EXOC4: variants seen among roughly 807,000 people sequenced by gnomAD.
EXOC4 encodes the protein exocyst complex component 4, also known as SEC8-like 1.
A neutral mutation model predicts 107.2 loss-of-function variants in EXOC4; 71 were observed. The ratio of observed to expected loss-of-function variants is 0.66; its 90% confidence interval spans 0.55 to 0.81. The LOEUF is 0.81. Among genes scored for constraint, EXOC4 ranks in the 30% least tolerant of loss-of-function variants. The probability of loss-of-function intolerance (pLI) is 0.00; values close to 1 mark genes in which losing one functional copy is unlikely to be tolerated. For synonymous variants in EXOC4, 456 were observed against 441.2 expected (o/e 1.03, Z -0.42); for missense variants, 1,108 against 1,189.6 (o/e 0.93, Z 1.01).
rs1334795297 is a variant in EXOC4 at position 133,885,238 on chromosome 7, C to T, written c.1735-10361C>T. Among the ~76,000 whole-genome samples, 7 of 151,148 alleles carry T rather than the reference C, an allele frequency of 4.6e-5. No homozygotes were observed. In the East Asian group the frequency reaches 5.8e-4, roughly 13 times the overall value. On this transcript the variant is annotated intron_variant, in intron 11 of 17. Transcript: ENST00000253861. The stretch of plus-strand genomic sequence containing the variant: ...CTGAGGCAGGAGAATCACTTGAACC[C>T]GGGAGACGGAGGTTGCAGTGAGCCA...
the EXOC4 span, among the ~76,000 whole-genome samples, chr7:134,089,622 T>A: frequency 2.1e-3 from 314 of 152,308 alleles, no homozygotes; most frequent in Middle Eastern, 0.01. Context: ...CCTAATCACC[T>A]TTAAATTATA....
At chr7:134,098,068 T>C in the EXOC4 span, among the ~76,000 whole-genome samples, 2 of 152,158 alleles carry the variant, frequency 1.3e-5, no homozygotes, top group Non-Finnish European at 2.9e-5. Context: ...CATATCAACA[T>C]AAAGTCTGAG....
intron 10 of EXOC4, among the ~76,000 whole-genome samples, chr7:133,796,029 T>C (rs1321462615): frequency 1.3e-5 from 2 of 152,184 alleles, no homozygotes; most frequent in Admixed American, 6.5e-5. Context: ...TCCTTTTATT[T>C]CTTTTTTCCT....
intron 4 of EXOC4, among the ~76,000 whole-genome samples, chr7:133,316,503 G>A (rs1393976406): frequency 6.6e-6 from 1 of 152,162 alleles, no homozygotes; most frequent in Non-Finnish European, 1.5e-5. Flanking sequence ...AGTTGGCTTG[G>A]CATAGCCTGC....
chr7:133,642,610 T>A (rs1802885782), intron 10 of EXOC4, among the ~76,000 whole-genome samples: 1 of 152,162 alleles, frequency 6.6e-6, no homozygotes. Context: ...GTCGCTCAGT[T>A]TCCTAACTGG....
intron 11 of EXOC4, among the ~76,000 whole-genome samples, chr7:133,872,440 C>T (rs1215831394): frequency 1.3e-5 from 2 of 152,056 alleles, no homozygotes; most frequent in Non-Finnish European, 2.9e-5. Flanking sequence ...AAAACGCAAG[C>T]CGGGAGCTGA....
At chr7:133,305,208 GA>G (rs1462179503) in intron 3 of EXOC4, among the ~76,000 whole-genome samples, 3 of 151,796 alleles carry the variant, frequency 2.0e-5, no homozygotes, top group Non-Finnish European at 4.4e-5. Flanking sequence ...CTTTTGTCTT[GA>G]AAATCTCCCA....
In EXOC4 at chr7:133,798,848, A is replaced by G. The variant is rs368497593; in HGVS notation, c.1515-18477A>G. On this transcript the variant is annotated intron_variant, in intron 10 of 17. Transcript: ENST00000253861. ...CCTCTACTCAGAGACATGAAAATAT[A>G]GTTGGGGAGAGATAATTTTATGAGA... is the stretch of plus-strand genomic sequence containing the variant. 5.3e-5 allele frequency among the ~76,000 whole-genome samples: 8 copies of G among 152,202 alleles called. 1 individual carries two copies. In the East Asian group the frequency reaches 1.3e-3, roughly 26 times the overall value.
At chr7:134,014,148 A>C (rs1339487178) in intron 17 of EXOC4, among the ~76,000 whole-genome samples, 1 of 152,240 alleles carries the variant, frequency 6.6e-6, no homozygotes, top group Non-Finnish European at 1.5e-5. Flanking sequence ...TCACGCCTGT[A>C]ATCCCAGTAC....
rs988164136 is a variant in EXOC4 at position 133,668,538 on chromosome 7, T to C, written c.1514+38397T>C. 1.1e-4 allele frequency among the ~76,000 whole-genome samples: 17 copies of C among 152,336 alleles called. 1 individual carries two copies. In the East Asian group the frequency reaches 3.1e-3, roughly 28 times the overall value. On this transcript the variant is annotated intron_variant, in intron 10 of 17. Transcript: ENST00000253861. ...TGCAACCCTTTGCAACACAGGTTTA[T>C]CCATAATGTATTTCTAGTATCATAC...
chr7:134,098,290 G>A, the EXOC4 span, among the ~76,000 whole-genome samples: 1 of 152,162 alleles, frequency 6.6e-6, no homozygotes, highest in Non-Finnish European at 1.5e-5. Flanking sequence ...CTCACCCGGT[G>A]ACATCAGAAA....
intron 4 of EXOC4, among the ~76,000 whole-genome samples, chr7:133,314,013 C>T (rs1383396549): frequency 6.6e-6 from 1 of 152,046 alleles, no homozygotes; most frequent in East Asian, 1.9e-4. Context: ...TGAAAAATAA[C>T]TGTCAGTATT....
chr7:133,885,855 A>T (rs1270056651), intron 11 of EXOC4, among the ~76,000 whole-genome samples: 1 of 152,072 alleles, frequency 6.6e-6, no homozygotes, highest in Non-Finnish European at 1.5e-5. Context: ...ATAGAGGAAA[A>T]TAACAATAAT....
At chr7:133,865,696 G>C (rs971179899) in intron 11 of EXOC4, among the ~76,000 whole-genome samples, 1 of 152,162 alleles carries the variant, frequency 6.6e-6, no homozygotes, top group Non-Finnish European at 1.5e-5. Flanking sequence ...GGGGAAGCAG[G>C]CACATCTTAC....
chr7:133,776,231 G>A (rs898202675), intron 10 of EXOC4, among the ~76,000 whole-genome samples: 3 of 3,460 alleles, frequency 8.7e-4, no homozygotes, highest in Non-Finnish European at 1.5e-3. Flanking sequence ...TCCACCCGTC[G>A]GTTCTATGAA....
chr7:133,352,355 A>G (rs1476157683), intron 5 of EXOC4, among the ~76,000 whole-genome samples: 10 of 151,978 alleles, frequency 6.6e-5, no homozygotes, highest in Admixed American at 6.6e-4. Flanking sequence ...CATTAGGTGT[A>G]TAAATGTTTA....
intron 14 of EXOC4, among the ~76,000 whole-genome samples, chr7:133,979,196 A>T (rs1021674659): frequency 6.6e-6 from 1 of 152,306 alleles, no homozygotes; most frequent in South Asian, 2.1e-4. Flanking sequence ...CTTCAGGTGA[A>T]TATAACACAA....
At chr7:133,484,043 A>T (rs750627946) in intron 9 of EXOC4, 11 of 1,613,978 alleles carry the variant, frequency 6.8e-6, no homozygotes, top group Non-Finnish European at 8.5e-6. Flanking sequence ...GTTGCAGGGT[A>T]GCGGCGAAGA....
chr7:133,629,530 T>TTTG lies in EXOC4; in HGVS notation c.1418-513_1418-512insGTT, dbSNP rs1554481340. On this transcript the variant is annotated intron_variant, in intron 9 of 17. Transcript: ENST00000253861. ...AGTAAAAGTGCTGTTTTTTGTTTTGTTTTGTTTGTTTGTTTGTTTGTTTGT... is the reference window on the plus strand; with the variant it reads ...AGTAAAAGTGCTGTTTTTTGTTTTGTTTGTTTGTTTGTTTGTTTGTTTGTTTGT... Among the ~76,000 whole-genome samples the TTTG allele has an allele frequency of 2.3e-3, 342 of 149,852 alleles. 3 individuals carry two copies. In the East Asian group the frequency reaches 0.024, roughly 11 times the overall value.
Sources: gnomAD v4.1 joint callset for allele counts (sites outside exome capture counted in the v4.1 genomes callset) on GRCh38, gnomAD v4.1.1 for gene constraint, MANE v1.5 for transcripts, NCBI Gene and HGNC (gene_info 2026-07-23, HGNC 2026-07-21) for gene names.